RRAGB: variants seen among roughly 807,000 people sequenced by gnomAD.
RRAGB encodes ras-related GTP-binding protein B.
In RRAGB, 6 loss-of-function variants were observed where a neutral mutation model predicts 29.3. The ratio of observed to expected loss-of-function variants is 0.21; its 90% CI spans 0.11 to 0.40. The LOEUF (loss-of-function observed/expected upper bound fraction) is 0.40. RRAGB is among the 10% of genes least tolerant of loss of function. The pLI is 1.00. For missense variants in RRAGB, 184 were observed against 272.9 expected (o/e 0.67, Z 2.29); for synonymous variants, 101 against 92.5 (o/e 1.09, Z -0.53).
chrX:55,731,962 G>T (rs1370162324), intron 5 of RRAGB, among the ~76,000 whole-genome samples: 1 of 111,960 alleles, frequency 8.9e-6, no homozygotes, highest in Non-Finnish European at 1.9e-5. Flanking sequence ...GATTGACTTA[G>T]GAAACTGGTA....
rs199753981 is a variant in RRAGB at position 55,753,348 on chromosome X, T to C, written c.613-44T>C. On this transcript the variant is annotated intron_variant, in intron 6 of 9. Coordinates refer to ENST00000374941, the MANE Select transcript of RRAGB (RefSeq NM_006064.5). ...CTTACTAATTTCAAAGGTCTGGGAC[T>C]GACTAGCTGTTAATAATAGTACACT... The C allele has an allele frequency of 1.5e-5, 17 of 1,140,819 alleles. No homozygotes were observed. In the East Asian group the frequency reaches 4.5e-4, roughly 30 times the overall value. 94.0% of individuals were successfully genotyped at this position (1,140,819 alleles called of 1,213,427 possible). A position where few individuals can be genotyped will look rare whatever the true frequency, so the allele number is the denominator to read the frequency against.
chrX:55,726,175 G>A (rs1334570516), intron 3 of RRAGB, among the ~76,000 whole-genome samples: 1 of 110,708 alleles, frequency 9.0e-6, no homozygotes, highest in East Asian at 2.8e-4. Context: ...AAAGCAACAT[G>A]AGCTGATTTA....
chrX:55,742,054 A>G (rs756499756), intron 5 of RRAGB, among the ~76,000 whole-genome samples: 8 of 112,553 alleles, frequency 7.1e-5, no homozygotes, highest in Non-Finnish European at 1.3e-4. Flanking sequence ...ATGTAAAGTT[A>G]TTGACTGTTT....
At chrX:55,744,400 A>AAAAAAAAAAAAAAAAAAG (rs1319006722) in intron 5 of RRAGB, among the ~76,000 whole-genome samples, 1 of 103,348 alleles carries the variant, frequency 9.7e-6, no homozygotes, top group Non-Finnish European at 2.0e-5. Flanking sequence ...AAAAAAAAAA[A>AAAAAAAAAAAAAAAAAAG]AAAAGTAGTA....
Position 55,717,929 on chromosome X carries a change from C to T in RRAGB, c.-399C>T, listed in dbSNP as rs949342911. The T allele has an allele frequency of 8.1e-6, 1 of 124,135 alleles. No homozygotes were observed. The highest frequency in any genetic ancestry group is 3.8e-3 in the Middle Eastern group (1 of 260). The allele number at this position is 124,135 out of a possible 1,213,427, so 10.2% of individuals were successfully genotyped here. ...TTAGTGCCTACGGCATGGGTCAGCT[C>T]TTTCTGCCACCTCCGCCTTCGCGGT... On this transcript the variant is annotated 5_prime_UTR_variant, in exon 1 of 10. Coordinates refer to ENST00000374941, the MANE Select transcript of RRAGB (RefSeq NM_006064.5).
At position 55,753,440 on chromosome X, in the gene RRAGB, G is replaced by A; in HGVS notation, c.661G>A (p.Glu221Lys). 1 of 1,202,793 alleles carries A rather than the reference G, an allele frequency of 8.3e-7. No homozygotes were observed. The highest frequency in any genetic ancestry group is 1.1e-6 in the Non-Finnish European group (1 of 888,089). Reference sequence around the variant, plus strand: ...GCTGATTCCCAATGTTCAGCAGCTGGAAATGAACCTAAGGAATTTTGCTGA... The same window carrying A: ...GCTGATTCCCAATGTTCAGCAGCTGAAAATGAACCTAAGGAATTTTGCTGA... ...YQLIPNVQQL[E>K]MNLRNFAEII... Residue 221 changes from glutamate (E) to lysine (K), a missense_variant, in exon 7 of 10, where the codon GAA becomes AAA. Coordinates refer to ENST00000374941, the MANE Select transcript of RRAGB (RefSeq NM_006064.5).
At chrX:55,747,915 C>T (rs918944954) in intron 5 of RRAGB, among the ~76,000 whole-genome samples, 17 of 108,012 alleles carry the variant, frequency 1.6e-4, no homozygotes, top group Non-Finnish European at 2.5e-4. Flanking sequence ...CCCCTGATGC[C>T]GAGCCGAAGC....
chrX:55,740,987 T>C (rs1444250906), intron 5 of RRAGB, among the ~76,000 whole-genome samples: 1 of 110,370 alleles, frequency 9.1e-6, no homozygotes, highest in Non-Finnish European at 1.9e-5. Flanking sequence ...AGATCATTTG[T>C]TGTTGCATAG....
intron 3 of RRAGB, among the ~76,000 whole-genome samples, chrX:55,728,931 T>A (rs879001181): frequency 5.6e-4 from 62 of 110,780 alleles, no homozygotes; most frequent in African/African-American, 1.7e-3. Flanking sequence ...CTTTTTTTTT[T>A]AATTTTTGTG....
intron 5 of RRAGB, among the ~76,000 whole-genome samples, chrX:55,741,139 C>T (rs1402976254): frequency 9.2e-6 from 1 of 108,405 alleles, no homozygotes; most frequent in Non-Finnish European, 1.9e-5. Context: ...ATTTCTTTGG[C>T]AACTTCTCAT....
At chrX:55,754,366 C>A (rs2034604207) in intron 7 of RRAGB, among the ~76,000 whole-genome samples, 1 of 112,576 alleles carries the variant, frequency 8.9e-6, no homozygotes, top group Non-Finnish European at 1.9e-5. Context: ...GATGCAAAAA[C>A]CAGTATTGTA....
chrX:55,755,622 A>G (rs1371043186), intron 7 of RRAGB: 4 of 748,880 alleles, frequency 5.3e-6, no homozygotes, highest in Non-Finnish European at 6.3e-6. Flanking sequence ...AAATGATTTA[A>G]TTATAACCAA....
chrX:55,719,257 A>AT, intron 1 of RRAGB, 57 bp from the exon 2 acceptor site: 1 of 1,043,334 alleles, frequency 9.6e-7, no homozygotes, highest in Non-Finnish European at 1.3e-6. Context: ...TACTTCATTA[A>AT]TTTCAATTTC....
chrX:55,732,211 G>A, intron 5 of RRAGB, among the ~76,000 whole-genome samples: 1 of 110,998 alleles, frequency 9.0e-6, no homozygotes, highest in Non-Finnish European at 1.9e-5. Context: ...GCCCTGAGAA[G>A]GCTCCGAGGC....
At chrX:55,724,514 C>T (rs1298713836) in intron 3 of RRAGB, among the ~76,000 whole-genome samples, 1 of 111,667 alleles carries the variant, frequency 9.0e-6, no homozygotes, top group Non-Finnish European at 1.9e-5. Flanking sequence ...AGTCATTGAC[C>T]AAAAGTTTTG....
chrX:55,730,544 T>C (rs1243468478), intron 4 of RRAGB, among the ~76,000 whole-genome samples: 1 of 112,130 alleles, frequency 8.9e-6, no homozygotes, highest in Non-Finnish European at 1.9e-5. Context: ...TGCTACTGTT[T>C]TCTGCTGGCC....
At chrX:55,738,233 T>C (rs937658847) in intron 5 of RRAGB, among the ~76,000 whole-genome samples, 1 of 112,226 alleles carries the variant, frequency 8.9e-6, no homozygotes, top group Admixed American at 9.4e-5. Context: ...ACCTGTAATT[T>C]TGGTTCTTCC....
At chrX:55,723,009 G>C (rs1162458343) in intron 3 of RRAGB, among the ~76,000 whole-genome samples, 2 of 110,987 alleles carry the variant, frequency 1.8e-5, no homozygotes, top group Non-Finnish European at 3.8e-5. Context: ...GAAGTTTCAA[G>C]AACAACATTT....
intron 5 of RRAGB, among the ~76,000 whole-genome samples, chrX:55,737,520 G>C (rs1466310963): frequency 2.7e-5 from 3 of 112,246 alleles, no homozygotes; most frequent in African/African-American, 9.7e-5. Flanking sequence ...CCTGACTGCT[G>C]GGGTAGAACT....
Sources: gnomAD v4.1 joint callset for allele counts (sites outside exome capture counted in the v4.1 genomes callset) on GRCh38, gnomAD v4.1.1 for gene constraint, MANE v1.5 for transcripts, NCBI Gene and HGNC (gene_info 2026-07-23, HGNC 2026-07-21) for gene names.